FGF14: variants seen among roughly 807,000 people sequenced by gnomAD.
FGF14 encodes fibroblast growth factor homologous factor 4.
A neutral mutation model predicts 25.5 loss-of-function variants in FGF14; 5 were observed. That is an observed-to-expected ratio of 0.20 (90% confidence interval 0.10 to 0.41). The LOEUF (loss-of-function observed/expected upper bound fraction) is 0.41. FGF14 is among the 10% of genes least tolerant of loss of function. FGF14 has a pLI of 1.00. For missense variants in FGF14, 222 were observed against 320.1 expected, an observed-to-expected ratio of 0.69 and a Z score of 2.34; for synonymous variants, 138 against 118.3, an observed-to-expected ratio of 1.17 and a Z score of -1.08.
chr13:101,777,686 G>T (rs1323277504), intron 3 of FGF14, among the ~76,000 whole-genome samples: 6 of 152,162 alleles, frequency 3.9e-5, no homozygotes, highest in South Asian at 4.1e-4. Flanking sequence ...TAATCTCAAG[G>T]TTAGAGAGAG....
At position 102,400,933 on chromosome 13, in the gene FGF14, C is replaced by T. The variant is rs2058689305; in HGVS notation, c.208+538G>A. Reference sequence around the variant, plus strand: ...TAATGCTCGGGCACCCGGAGCTGGACGGGGGAGGGACGCGGGGGCTGACGG... The same window carrying T: ...TAATGCTCGGGCACCCGGAGCTGGATGGGGGAGGGACGCGGGGGCTGACGG... On this transcript the variant is annotated intron_variant, in intron 1 of 4. Coordinates refer to the FGF14 transcript ENST00000376131. This position sits in a 1 kb window ranked among gnomAD's most constrained non-coding sequence, Gnocchi z 4.3. Among the ~76,000 whole-genome samples, 1 of 149,572 alleles carries T rather than the reference C, an allele frequency of 6.7e-6. No homozygotes were observed. Among genetic ancestry groups the T allele is most frequent in the African/African-American group, 2.5e-5 (1 of 40,422 alleles).
At chr13:102,357,377 G>A (rs1426739304) in intron 1 of FGF14, among the ~76,000 whole-genome samples, 1 of 152,104 alleles carries the variant, frequency 6.6e-6, no homozygotes, top group Non-Finnish European at 1.5e-5. Flanking sequence ...CTGACAATAT[G>A]TCTGTCAGGA....
At chr13:102,255,851 T>C (rs769522113) in intron 1 of FGF14, among the ~76,000 whole-genome samples, 9 of 152,200 alleles carry the variant, frequency 5.9e-5, no homozygotes, top group African/African-American at 9.6e-5. Flanking sequence ...ATATTGTGAG[T>C]GAGCATGCTG....
chr13:101,975,313 C>G (rs909220589), intron 1 of FGF14, among the ~76,000 whole-genome samples: 5 of 152,254 alleles, frequency 3.3e-5, no homozygotes, highest in Middle Eastern at 3.4e-3. Flanking sequence ...CTAACCCCCT[C>G]GACTCCTCAC....
At chr13:101,962,836 C>T (rs1240701736) in intron 1 of FGF14, among the ~76,000 whole-genome samples, 2 of 152,188 alleles carry the variant, frequency 1.3e-5, no homozygotes, top group Non-Finnish European at 2.9e-5. Context: ...ATCTGAAAAG[C>T]AGTGGTGATA....
intron 1 of FGF14, among the ~76,000 whole-genome samples, chr13:102,084,227 GTTTCTTTATT>G (rs1174221646): frequency 3.8e-4 from 58 of 151,844 alleles, no homozygotes; most frequent in Non-Finnish European, 4.4e-5. Flanking sequence ...CTCTAACTCT[GTTTCTTTATT>G]TTTCTTTTGC....
chr13:101,850,937 T>C (rs1297419871), intron 3 of FGF14, among the ~76,000 whole-genome samples: 1 of 151,854 alleles, frequency 6.6e-6, no homozygotes, highest in Non-Finnish European at 1.5e-5. Flanking sequence ...ACATATCATT[T>C]ATGAGGGATA....
intron 1 of FGF14, among the ~76,000 whole-genome samples, chr13:102,081,327 A>C (rs1230608729): frequency 6.6e-6 from 1 of 152,242 alleles, no homozygotes; most frequent in Non-Finnish European, 1.5e-5. Context: ...AGAATGTATC[A>C]AAACCTTCAG....
intron 1 of FGF14, among the ~76,000 whole-genome samples, chr13:101,974,495 C>A (rs2037804841): frequency 6.6e-6 from 1 of 152,092 alleles, no homozygotes; most frequent in South Asian, 2.1e-4. Flanking sequence ...TGAAAAGTTC[C>A]TATACTCAGT....
At chr13:101,885,538 C>T (rs766026618) in intron 1 of FGF14, among the ~76,000 whole-genome samples, 3 of 152,118 alleles carry the variant, frequency 2.0e-5, no homozygotes, top group Non-Finnish European at 4.4e-5. Context: ...CACTACTCAG[C>T]GCACATTTTG....
rs1165893307 is a variant in FGF14, at chr13:101,912,958, C to A, written c.193+3495G>T. Among the ~76,000 whole-genome samples the A allele has an allele frequency of 3.3e-5, 5 of 151,636 alleles. No individual in the cohort carries two copies. In the East Asian group the frequency reaches 9.7e-4, roughly 29 times the overall value. ...GATGCAGAAAACACAGACTTTGCTT[C>A]TTCCCTACAATCAGCTGAATATGTA... is the stretch of plus-strand genomic sequence containing the variant. On this transcript the variant is annotated intron_variant, in intron 1 of 4. Coordinates refer to ENST00000376143, the MANE Select transcript of FGF14 (RefSeq NM_004115.4).
At chr13:102,158,013 A>T (rs1333529804) in intron 1 of FGF14, among the ~76,000 whole-genome samples, 1 of 152,228 alleles carries the variant, frequency 6.6e-6, no homozygotes, top group Non-Finnish European at 1.5e-5. Flanking sequence ...TTAAAAAGTC[A>T]GGAAAAAGCA....
chr13:102,090,636 A>G (rs1365246779), intron 1 of FGF14, among the ~76,000 whole-genome samples: 1 of 152,226 alleles, frequency 6.6e-6, no homozygotes, highest in Non-Finnish European at 1.5e-5. Flanking sequence ...GGCAGTGGTC[A>G]AGTAGGCCAC....
At position 101,893,389 on chromosome 13, in the gene FGF14, G is replaced by A. The variant is rs146848828; in HGVS notation, c.194-18093C>T. Among the ~76,000 whole-genome samples the A allele has an allele frequency of 8.5e-5, 13 of 152,298 alleles. No individual in the cohort carries two copies. In the East Asian group the frequency reaches 1.4e-3, roughly 16 times the overall value. ...TGATGTATTGTGATTATGTGTCCAT[G>A]TGATTGCTTTGCTGTGGTGGAGAGA... On this transcript the variant is annotated intron_variant, in intron 1 of 4. Coordinates refer to ENST00000376143, the MANE Select transcript of FGF14 (RefSeq NM_004115.4).
chr13:101,748,747 TAAAAAAAAAAAAAAAA>T (rs55785965), intron 3 of FGF14, among the ~76,000 whole-genome samples: 3 of 70,720 alleles, frequency 4.2e-5, no homozygotes, highest in East Asian at 8.7e-4. Context: ...TGGAGGTTTC[TAAAAAAAAAAAAAAAA>T]AAAAAAAAAA....
At chr13:101,901,929 C>T (rs2031610637) in intron 1 of FGF14, among the ~76,000 whole-genome samples, 1 of 152,066 alleles carries the variant, frequency 6.6e-6, no homozygotes, top group African/African-American at 2.4e-5. Context: ...AATTAACATA[C>T]AAAAATGCAA....
intron 1 of FGF14, among the ~76,000 whole-genome samples, chr13:102,066,313 C>T (rs1048007033): frequency 5.3e-5 from 8 of 152,116 alleles, no homozygotes; most frequent in African/African-American, 1.7e-4. Flanking sequence ...GTTACTGTAG[C>T]ATATGATTAG....
chr13:102,316,699 T>C (rs527784334), intron 1 of FGF14, among the ~76,000 whole-genome samples: 6 of 152,306 alleles, frequency 3.9e-5, no homozygotes, highest in Admixed American at 3.9e-4. Context: ...TTTTCAGCCA[T>C]GGTATTATTG....
chr13:102,151,721 C>T (rs1415876854), intron 1 of FGF14, among the ~76,000 whole-genome samples: 2 of 152,060 alleles, frequency 1.3e-5, no homozygotes, highest in East Asian at 1.9e-4. Context: ...AGGCTGGTCT[C>T]GAACTGCTGA....
Sources: gnomAD v4.1 joint callset for allele counts (sites outside exome capture counted in the v4.1 genomes callset) on GRCh38, gnomAD v4.1.1 for gene constraint, Gnocchi (gnomAD v3.1) non-coding constraint, MANE v1.5 for transcripts, NCBI Gene and HGNC (gene_info 2026-07-23, HGNC 2026-07-21) for gene names.